Variants in LRRC57 observed in about 807,000 individuals in gnomAD.
The protein encoded by LRRC57 is leucine rich repeat containing 57.
Under a neutral mutation model 23.1 loss-of-function variants are expected in LRRC57, and 14 were observed. That is an observed-to-expected ratio of 0.61 (90% CI 0.40 to 0.95). The LOEUF is 0.95. Ranked by LOEUF, LRRC57 falls within the 40% of genes least tolerant of loss-of-function variation. The pLI is 0.00. For synonymous variants in LRRC57, 106 were observed against 115.2 expected (o/e 0.92, Z 0.51); for missense variants, 236 against 284.4 (o/e 0.83, Z 1.22).
chr15:42,535,095 C>T (rs1387240533), downstream of LRRC57, among the ~76,000 whole-genome samples: 1 of 152,216 alleles, frequency 6.6e-6, no homozygotes, highest in African/African-American at 2.4e-5. Context: ...TAAATGGTGT[C>T]ATTTTCCAAT....
chr15:42,537,250 C>CACACACACACACACACACACACACAT (rs1566823899), downstream of LRRC57, among the ~76,000 whole-genome samples: 3 of 151,436 alleles, frequency 2.0e-5, no homozygotes, highest in African/African-American at 7.3e-5. Context: ...CACACACACA[C>CACACACACACACACACACACACACAT]ACACACACAC....
In LRRC57 at chr15:42,542,784, G is replaced by A. The variant is rs1025210964; in HGVS notation, c.*1299C>T. 1 of 152,482 alleles carries A rather than the reference G, an allele frequency of 6.6e-6. No individual in the cohort carries two copies. The highest frequency in any genetic ancestry group is 1.5e-5 in the Non-Finnish European group (1 of 68,012). 9.4% of individuals were successfully genotyped at this position (152,482 alleles called of 1,614,324 possible). A position where few individuals can be genotyped will look rare whatever the true frequency, so the allele number is the denominator to read the frequency against. ...CTCTTCAGAGCCCTCTACCAATAAG[G>A]CACCTGCAATAGTAGATAATTTGCT... On this transcript the variant is annotated 3_prime_UTR_variant, in exon 6 of 6. Coordinates refer to ENST00000397130, the MANE Select transcript of LRRC57 (RefSeq NM_153260.3).
At chr15:42,535,600 G>T (rs971175075), downstream of LRRC57, among the ~76,000 whole-genome samples, 1 of 152,082 alleles carries the variant, frequency 6.6e-6, no homozygotes, top group Non-Finnish European at 1.5e-5. Flanking sequence ...TTTTAGTAGA[G>T]ACAGGGTTTT....
intron 4 of LRRC57, among the ~76,000 whole-genome samples, chr15:42,546,616 G>C (rs568588822): frequency 6.6e-6 from 1 of 152,294 alleles, no homozygotes; most frequent in South Asian, 2.1e-4. Context: ...CAGTCTCACA[G>C]TGTTTAATAT....
At chr15:42,532,930 T>TA (rs1432033887), downstream of LRRC57, 14 of 152,804 alleles carry the variant, frequency 9.2e-5, no homozygotes, top group African/African-American at 3.4e-4. Context: ...TGAAAAGTGT[T>TA]ATGAACATCT....
the LRRC57 span, chr15:42,529,834 T>C: frequency 2.5e-6 from 4 of 1,609,038 alleles, no homozygotes; most frequent in South Asian, 3.3e-5. Context: ...AAGCTTTTTA[T>C]TGCCACAAGA....
chr15:42,534,565 T>C (rs183147624), downstream of LRRC57, among the ~76,000 whole-genome samples: 6 of 152,300 alleles, frequency 3.9e-5, no homozygotes, highest in East Asian at 1.2e-3. Flanking sequence ...TCCAGAGGGT[T>C]TTCAGTTTAC....
rs1431054613 is a variant in LRRC57 at position 42,539,984 on chromosome 15, T to G, written c.*4099A>C. On this transcript the variant is annotated 3_prime_UTR_variant, in exon 6 of 6. Coordinates refer to ENST00000397130, the MANE Select transcript of LRRC57 (RefSeq NM_153260.3). ...GCCAAGGCAGGTGGATCAACTGAGG[T>G]CAGGAGTTTGAGATCAGCCTGACCA... The G allele has an allele frequency of 6.6e-6, 1 of 151,916 alleles. No homozygotes were observed. Among genetic ancestry groups the G allele is most frequent in the Non-Finnish European group, 1.5e-5 (1 of 68,004 alleles). 9.4% of individuals were successfully genotyped at this position (151,916 alleles called of 1,614,324 possible).
At chr15:42,544,190 T>A in intron 5 of LRRC57, 66 bp from the exon 6 acceptor site, 2 of 1,080,238 alleles carry the variant, frequency 1.9e-6, no homozygotes, top group Non-Finnish European at 2.6e-6. Flanking sequence ...AGCCTAACTA[T>A]TTTTTTTTTC....
At position 42,548,420 on chromosome 15, in the gene LRRC57, C is replaced by T; in HGVS notation, c.15G>A (p.Ala5=). 1.2e-6 allele frequency: 2 copies of T among 1,613,998 alleles called. No individual in the cohort carries two copies. The highest frequency in any genetic ancestry group is 2.2e-5 in the South Asian group (2 of 91,088). ...GCGCCGTTTCCACATGAGCGCGGAG[C>T]GCACTGTTTCCCATCCTAGCGCCGC... MGNS[A]LRAHVETAQK... Residue 5 remains alanine, a synonymous_variant, in exon 2 of 6, where the codon GCG becomes GCA. Transcript: ENST00000397130.
the LRRC57 span, chr15:42,529,967 A>G: frequency 2.5e-6 from 2 of 811,462 alleles, no homozygotes; most frequent in Non-Finnish European, 3.7e-6. Flanking sequence ...GTTCTAACAC[A>G]TAAAACAAGA....
At chr15:42,531,383 T>C in the LRRC57 span, 13 of 1,471,772 alleles carry the variant, frequency 8.8e-6, no homozygotes, top group Non-Finnish European at 1.2e-5. Context: ...TTACTTACCT[T>C]GTAAAGCTGA....
intron 4 of LRRC57, 37 bp from the exon 5 acceptor site, chr15:42,545,299 A>G (rs41315252): frequency 0.14 from 197,477 of 1,461,856 alleles, 14,277 homozygotes; most frequent in Non-Finnish European, 0.15. Context: ...AGGAAAAAGC[A>G]TAAGCACTAT....
At chr15:42,530,632 C>T in the LRRC57 span, among the ~76,000 whole-genome samples, 6 of 152,116 alleles carry the variant, frequency 3.9e-5, no homozygotes, top group Non-Finnish European at 8.8e-5. Context: ...TGCCTATTGT[C>T]CCAGTTACTC....
the LRRC57 span, chr15:42,529,705 G>A: frequency 2.5e-6 from 4 of 1,614,032 alleles, no homozygotes. Flanking sequence ...AAGATGAAAT[G>A]GAAGAGAACC....
intron 5 of LRRC57, 55 bp downstream of exon 5, chr15:42,545,022 A>C: frequency 2.3e-6 from 3 of 1,300,730 alleles, no homozygotes; most frequent in Non-Finnish European, 3.2e-6. Context: ...GGATTACTTC[A>C]CCATTGTCTT....
Position 42,548,723 on chromosome 15 carries a change from C to A in LRRC57, c.-53G>T. The A allele has an allele frequency of 1.6e-6, 1 of 643,596 alleles. No homozygotes were observed. The highest frequency in any genetic ancestry group is 2.7e-6 in the Non-Finnish European group (1 of 375,428). The allele number at this position is 643,596 out of a possible 1,614,324, so 39.9% of individuals were successfully genotyped here. A position where few individuals can be genotyped will look rare whatever the true frequency, so the allele number is the denominator to read the frequency against. On this transcript the variant is annotated 5_prime_UTR_variant, in exon 1 of 6. Transcript: ENST00000397130. ...ACCGCTCAGCTGCCGTAAGGCTCCGCAGGTGAAGACCCAGGACCCGCAGTA... is the reference window on the plus strand; with the variant it reads ...ACCGCTCAGCTGCCGTAAGGCTCCGAAGGTGAAGACCCAGGACCCGCAGTA...
chr15:42,541,233 T>C lies in LRRC57; in HGVS notation c.*2850A>G, dbSNP rs1014195343. On this transcript the variant is annotated 3_prime_UTR_variant, in exon 6 of 6. Coordinates refer to ENST00000397130, the MANE Select transcript of LRRC57 (RefSeq NM_153260.3). ...AATGACATATGGGAGGCTGGGTGTG[T>C]TGGCTCCCACCTGTAATCCCAGCAC... 7.9e-5 allele frequency: 12 copies of C among 151,470 alleles called. No homozygotes were observed. The highest frequency in any genetic ancestry group is 2.9e-4 in the African/African-American group (12 of 41,192). 9.4% of individuals were successfully genotyped at this position (151,470 alleles called of 1,614,324 possible).
chr15:42,545,433 T>A, intron 4 of LRRC57, 171 bp from the exon 5 acceptor site: 1 of 397,820 alleles, frequency 2.5e-6, no homozygotes, highest in Non-Finnish European at 4.4e-6. Context: ...CTCTGTTATC[T>A]AGCTTCTGTT....
Sources: allele counts gnomAD v4.1 joint callset (sites outside exome capture counted in the v4.1 genomes callset), GRCh38; gene constraint gnomAD v4.1.1; transcripts MANE v1.5; gene names NCBI Gene and HGNC (gene_info 2026-07-23, HGNC 2026-07-21).